The following DES variants were observed in gnomAD, a reference collection of about 807,000 sequenced individuals.
The protein encoded by DES is cardiomyopathy, dilated 1F (autosomal dominant).
A neutral mutation model predicts 55.1 loss-of-function variants in DES; 34 were observed. The ratio of observed to expected loss-of-function variants is 0.62; its 90% CI spans 0.47 to 0.82. The LOEUF (loss-of-function observed/expected upper bound fraction) is 0.82. DES is among the 40% of genes least tolerant of loss of function. The pLI is 0.00. For synonymous variants in DES, 259 were observed against 270.8 expected (o/e 0.96, Z 0.43); for missense variants, 596 against 645.9 (o/e 0.92, Z 0.84).
At position 219,420,165 on chromosome 2, in the gene DES, C is replaced by T. The variant is rs1458743868; in HGVS notation, c.639+10C>T. On this transcript the variant is annotated intron_variant, in intron 2 of 8. Coordinates refer to ENST00000373960, the MANE Select transcript of DES (RefSeq NM_001927.4). The surrounding 1 kb of genome is among the most constrained non-coding windows in gnomAD (Gnocchi z 6.0). ...GGCTGCCTTCCGAGCGGTGAGTGCCCTTCTTTTCCCCTTGCATGGCCTCTG... is the reference window on the plus strand; with the variant it reads ...GGCTGCCTTCCGAGCGGTGAGTGCCTTTCTTTTCCCCTTGCATGGCCTCTG... 2 of 1,614,214 alleles carry T rather than the reference C, an allele frequency of 1.2e-6. No homozygotes were observed. The highest frequency in any genetic ancestry group is 1.7e-6 in the Non-Finnish European group (2 of 1,180,024).
chr2:219,422,549 C>T (rs534422713), intron 6 of DES, among the ~76,000 whole-genome samples: 1 of 146,810 alleles, frequency 6.8e-6, no homozygotes, highest in African/African-American at 2.5e-5. Flanking sequence ...ACTGCAACCT[C>T]TGCCTCCCAG....
chr2:219,424,187 C>CCA (rs1954495799), intron 7 of DES, among the ~76,000 whole-genome samples: 1 of 152,238 alleles, frequency 6.6e-6, no homozygotes, highest in Admixed American at 6.5e-5. Flanking sequence ...TCTAAGACAC[C>CCA]CACAGCCCAT....
Position 219,426,119 on chromosome 2 carries a change from T to C in DES, c.*129T>C. The stretch of plus-strand genomic sequence containing the variant: ...TCCCCTCACAGCCTCTGACCCCTCC[T>C]CACTGGCCATCCCTCGTGGTCCCCA... On this transcript the variant is annotated 3_prime_UTR_variant, in exon 9 of 9. Transcript: ENST00000373960. The surrounding 1 kb of genome is among the most constrained non-coding windows in gnomAD (Gnocchi z 4.5). 9.4e-7 allele frequency: 1 copy of C among 1,066,872 alleles called. No homozygotes were observed. Among genetic ancestry groups the C allele is most frequent in the South Asian group, 1.3e-5 (1 of 75,252 alleles). 66.1% of individuals were successfully genotyped at this position (1,066,872 alleles called of 1,614,324 possible).
Position 219,426,195 on chromosome 2 carries a change from T to C in DES, c.*205T>C. 1.5e-6 allele frequency: 1 copy of C among 674,486 alleles called. No individual in the cohort carries two copies. The highest frequency in any genetic ancestry group is 2.7e-6 in the Non-Finnish European group (1 of 375,340). The allele number at this position is 674,486 out of a possible 1,614,324, so 41.8% of individuals were successfully genotyped here. ...GGTCACAGGGCATGCCCCGGCCACC[T>C]CTGCGGACCCCAGCTGTGAGCCTTG... On this transcript the variant is annotated 3_prime_UTR_variant, in exon 9 of 9. Coordinates refer to ENST00000373960, the MANE Select transcript of DES (RefSeq NM_001927.4). The surrounding 1 kb of genome is among the most constrained non-coding windows in gnomAD (Gnocchi z 4.5).
intron 6 of DES, 45 bp from the exon 7 acceptor site, chr2:219,423,732 G>T (rs928527047): frequency 6.2e-7 from 1 of 1,600,874 alleles, no homozygotes; most frequent in African/African-American, 1.3e-5. Context: ...CCCGGCCGAT[G>T]GGAGGGTTCT....
rs1313744197 is a variant in DES at position 219,420,715 on chromosome 2, G to T, written c.897+59G>T. The T allele has an allele frequency of 6.2e-7, 1 of 1,613,448 alleles. No individual in the cohort carries two copies. Among genetic ancestry groups the T allele is most frequent in the Non-Finnish European group, 8.5e-7 (1 of 1,179,672 alleles). ...TCCCCCTGAATCCCAGCTTGGATGT[G>T]CTGCCTGTGGTACCATCCATGGGAG... On this transcript the variant is annotated intron_variant, in intron 4 of 8. Transcript: ENST00000373960. This position sits in a 1 kb window ranked among gnomAD's most constrained non-coding sequence, Gnocchi z 6.0.
At chr2:219,421,982 C>T (rs1357045862) in intron 6 of DES, among the ~76,000 whole-genome samples, 1 of 152,142 alleles carries the variant, frequency 6.6e-6, no homozygotes, top group East Asian at 1.9e-4. Flanking sequence ...CAATTTTATA[C>T]AAGAGGCCAC....
rs375906682 is a variant in DES, at chr2:219,420,502, G to A, written c.743G>A (p.Arg248His). 10 of 1,613,852 alleles carry A rather than the reference G, an allele frequency of 6.2e-6. No individual in the cohort carries two copies. The highest frequency in any genetic ancestry group is 3.3e-5 in the South Asian group (3 of 91,086). Residue 248 changes from arginine (R) to histidine (H), a missense_variant, in exon 4 of 9, where the codon CGT (arginine) becomes CAT (histidine). Arg to His is a conservative substitution (Grantham distance 29). Transcript: ENST00000373960. The surrounding 1 kb of genome is among the most constrained non-coding windows in gnomAD (Gnocchi z 6.0). ...FLKKVHEEEI[R>H]ELQAQLQEQQ... Reference sequence around the variant, plus strand: ...CCCAGTCATGCCCTACAGGAGATCCGTGAGTTGCAGGCTCAGCTTCAGGAA... The same window carrying A: ...CCCAGTCATGCCCTACAGGAGATCCATGAGTTGCAGGCTCAGCTTCAGGAA...
rs769305726 is a variant in DES, at chr2:219,420,689, G to A, written c.897+33G>A. ...GCCTCGCCCGGGGACTGGCATCTCCGTCCCCCTGAATCCCAGCTTGGATGT... is the reference window on the plus strand; with the variant it reads ...GCCTCGCCCGGGGACTGGCATCTCCATCCCCCTGAATCCCAGCTTGGATGT... On this transcript the variant is annotated intron_variant, in intron 4 of 8. Transcript: ENST00000373960. This position sits in a 1 kb window ranked among gnomAD's most constrained non-coding sequence, Gnocchi z 6.0. 8.7e-6 allele frequency: 14 copies of A among 1,613,934 alleles called. No homozygotes were observed. The highest frequency in any genetic ancestry group is 1.1e-5 in the South Asian group (1 of 91,056).
chr2:219,422,125 C>A (rs1954456881), intron 6 of DES, among the ~76,000 whole-genome samples: 1 of 152,036 alleles, frequency 6.6e-6, no homozygotes, highest in African/African-American at 2.4e-5. Flanking sequence ...GCAAAAAAAA[C>A]CATATTCAGC....
chr2:219,418,528 G>C lies in DES; in HGVS notation c.66G>C (p.Pro22=), dbSNP rs767502653. The C allele has an allele frequency of 6.2e-7, 1 of 1,603,630 alleles. No individual in the cohort carries two copies. Among genetic ancestry groups the C allele is most frequent in the South Asian group, 1.1e-5 (1 of 90,156 alleles). Residue 22 remains proline, a synonymous_variant, in exon 1 of 9, where the codon CCG becomes CCC. Coordinates refer to ENST00000373960, the MANE Select transcript of DES (RefSeq NM_001927.4). The stretch of plus-strand genomic sequence containing the variant: ...ACCGCCGCACCTTCGGCGGGGCCCC[G>C]GGCTTCCCACTCGGCTCCCCGCTGA... ...SSYRRTFGGA[P]GFPLGSPLSS...
chr2:219,418,398 T>C lies in DES; in HGVS notation c.-65T>C. 1.3e-6 allele frequency: 2 copies of C among 1,492,094 alleles called. No homozygotes were observed. The highest frequency in any genetic ancestry group is 1.8e-6 in the Non-Finnish European group (2 of 1,123,372). The allele number at this position is 1,492,094 out of a possible 1,614,324, so 92.4% of individuals were successfully genotyped here. On this transcript the variant is annotated 5_prime_UTR_variant, in exon 1 of 9. Transcript: ENST00000373960. ...CCCTGTCTCCCCTCGCCGCATCCAC[T>C]CTCCGGCCGGCCGCCTGCCCGCCGC...
chr2:219,421,413 A>G lies in DES; in HGVS notation c.1097A>G (p.Asn366Ser), dbSNP rs1472005530. ...FASEASGYQD[N>S]IARLEEEIRH... ...AGTGAGGCCAGTGGCTACCAGGACA[A>G]CATTGCGCGCCTGGAGGAGGAAATC... is the stretch of plus-strand genomic sequence containing the variant. The change falls in exon 6 of 9, where the codon AAC (asparagine) becomes AGC (serine). Residue 366 changes from asparagine (N) to serine (S), a missense_variant. By Grantham distance (46) the Asn-to-Ser change is conservative. Coordinates refer to ENST00000373960, the MANE Select transcript of DES (RefSeq NM_001927.4). 1 of 1,614,106 alleles carries G rather than the reference A, an allele frequency of 6.2e-7. No individual in the cohort carries two copies. The highest frequency in any genetic ancestry group is 2.2e-5 in the East Asian group (1 of 44,866).
Position 219,421,347 on chromosome 2 carries a change from C to T in DES, c.1031C>T (p.Ser344Phe), listed in dbSNP as rs1429678305. The T allele has an allele frequency of 1.2e-6, 2 of 1,614,056 alleles. No individual in the cohort carries two copies. Among genetic ancestry groups the T allele is most frequent in the Non-Finnish European group, 1.7e-6 (2 of 1,179,992 alleles). ...GTTCCCCCTCTCCTGCAGAACGATT[C>T]CCTGATGAGGCAGATGCGGGAATTG... is the stretch of plus-strand genomic sequence containing the variant. Reference protein sequence around the residue: ...EIDALKGTNDSLMRQMRELED... With the variant: ...EIDALKGTNDFLMRQMRELED... Residue 344 changes from serine to phenylalanine, a missense_variant, in exon 6 of 9, where the codon TCC becomes TTC. Coordinates refer to ENST00000373960, the MANE Select transcript of DES (RefSeq NM_001927.4).
rs1064796352 is a variant in DES at position 219,425,715 on chromosome 2, GATCAAGACC to G, written c.1345_1353del (p.Lys449_Ile451del). 1 of 1,601,182 alleles carries G rather than the reference GATCAAGACC, an allele frequency of 6.2e-7. No homozygotes were observed. Among genetic ancestry groups the G allele is most frequent in the African/African-American group, 1.3e-5 (1 of 74,720 alleles). ...AGGTCCATACCAAGAAGACGGTGAT[GATCAAGACC>G]ATCGAGACACGGGATGGGGAGGTAA... On this transcript the variant is annotated inframe_deletion, in exon 8 of 9. Coordinates refer to ENST00000373960, the MANE Select transcript of DES (RefSeq NM_001927.4).
In DES at chr2:219,422,279, G is replaced by A. The variant is rs79683715; in HGVS notation, c.1244+719G>A. Among the ~76,000 whole-genome samples the A allele has an allele frequency of 4.0e-3, 606 of 152,044 alleles. 1 individual carries two copies. Among genetic ancestry groups the A allele is most frequent in the Non-Finnish European group, 7.5e-3 (507 of 67,998 alleles). On this transcript the variant is annotated intron_variant, in intron 6 of 8. Transcript: ENST00000373960. ...TTGCACAGGGATAGGCTAAGAGAAGGTAAAGAGATGCATACAGAAGGCATG... is the reference window on the plus strand; with the variant it reads ...TTGCACAGGGATAGGCTAAGAGAAGATAAAGAGATGCATACAGAAGGCATG...
Position 219,418,815 on chromosome 2 carries a change from G to A in DES, c.353G>A (p.Arg118His), listed in dbSNP as rs753997202. 6.3e-7 allele frequency: 1 copy of A among 1,576,996 alleles called. No homozygotes were observed. The highest frequency in any genetic ancestry group is 1.2e-5 in the South Asian group (1 of 86,234). The change falls in exon 1 of 9, where the codon CGC becomes CAC. Residue 118 changes from arginine to histidine, a missense_variant. By Grantham distance (29) the Arg-to-His change is conservative. Transcript: ENST00000373960. ...EKVELQELND[R>H]FANYIEKVRF... ...GTGGAGCTGCAGGAGCTCAATGACC[G>A]CTTCGCCAACTACATCGAGAAGGTG...
At chr2:219,422,398 G>C (rs1176114546) in intron 6 of DES, among the ~76,000 whole-genome samples, 1 of 148,266 alleles carries the variant, frequency 6.7e-6, no homozygotes, top group Admixed American at 6.7e-5. Context: ...TCTAGACACA[G>C]AAAACAACAT....
Position 219,425,976 on chromosome 2 carries a change from C to T in DES, c.1399C>T (p.His467Tyr). 6.2e-7 allele frequency: 1 copy of T among 1,614,052 alleles called. No homozygotes were observed. Among genetic ancestry groups the T allele is most frequent in the East Asian group, 2.2e-5 (1 of 44,882 alleles). ...CGTCAGTGAGGCCACACAGCAGCAG[C>T]ATGAAGTGCTCTAAAGACAGAGACC... The part of the protein sequence containing the change: ...EVVSEATQQQ[H>Y]EVL Residue 467 changes from histidine (H) to tyrosine (Y), a missense_variant, in exon 9 of 9, where the codon CAT becomes TAT. Coordinates refer to ENST00000373960, the MANE Select transcript of DES (RefSeq NM_001927.4).
Sources: gnomAD v4.1 joint callset for allele counts (sites outside exome capture counted in the v4.1 genomes callset) on GRCh38, gnomAD v4.1.1 for gene constraint, Gnocchi (gnomAD v3.1) non-coding constraint, MANE v1.5 for transcripts, NCBI Gene and HGNC (gene_info 2026-07-23, HGNC 2026-07-21) for gene names.